The following TNKS variants were observed in gnomAD, a reference collection of about 807,000 sequenced individuals.
TNKS encodes the protein poly [ADP-ribose] polymerase tankyrase-1.
In TNKS, 72 loss-of-function variants were observed where a neutral mutation model predicts 135.8. The ratio of observed to expected loss-of-function variants is 0.53; its 90% CI spans 0.44 to 0.64. The LOEUF (loss-of-function observed/expected upper bound fraction) is 0.64. Among genes scored for constraint, TNKS ranks in the 30% least tolerant of loss-of-function variants. The pLI is 0.00. For synonymous variants in TNKS, 849 were observed against 649.3 expected (o/e 1.31, Z -4.68); for missense variants, 1,769 against 1,674.0 (o/e 1.06, Z -0.99).
intron 13 of TNKS, among the ~76,000 whole-genome samples, chr8:9,727,824 T>TA (rs760984428): frequency 1.2e-4 from 18 of 152,222 alleles, no homozygotes; most frequent in Admixed American, 9.8e-4. Context: ...ACATCCAACT[T>TA]ACGATAGCAT....
At chr8:9,561,881 A>G (rs1797343458) in intron 1 of TNKS, among the ~76,000 whole-genome samples, 2 of 152,066 alleles carry the variant, frequency 1.3e-5, no homozygotes, top group African/African-American at 4.8e-5. Context: ...TAATGGTGCG[A>G]TCTTGGCTCA....
chr8:9,765,583 T>C, intron 23 of TNKS, 109 bp from the exon 24 acceptor site: 2 of 845,572 alleles, frequency 2.4e-6, no homozygotes, highest in South Asian at 1.7e-5. Flanking sequence ...TTAAATTATG[T>C]CTTAAGCAAA....
intron 1 of TNKS, among the ~76,000 whole-genome samples, chr8:9,576,517 C>T (rs1797953988): frequency 6.8e-6 from 1 of 146,254 alleles, no homozygotes; most frequent in African/African-American, 2.5e-5. Flanking sequence ...GTTGCCCAGG[C>T]TGGAGTGCAG....
intron 15 of TNKS, 143 bp from the exon 16 acceptor site, chr8:9,734,722 A>G (rs1805603722): frequency 1.2e-5 from 8 of 672,238 alleles, no homozygotes; most frequent in Non-Finnish European, 2.0e-5. Context: ...CTAAGTAGGA[A>G]TTTTGCAAAG....
At chr8:9,641,741 T>C (rs1182351171) in intron 3 of TNKS, among the ~76,000 whole-genome samples, 2 of 145,028 alleles carry the variant, frequency 1.4e-5, no homozygotes, top group Non-Finnish European at 3.0e-5. Context: ...AACCACCTGA[T>C]GGCCAGTTAT....
At chr8:9,690,390 C>G (rs1803209408) in intron 5 of TNKS, among the ~76,000 whole-genome samples, 2 of 152,334 alleles carry the variant, frequency 1.3e-5, no homozygotes, top group Admixed American at 1.3e-4. Context: ...CTTATCTGCT[C>G]TTCTCCCTTC....
At chr8:9,623,104 C>T (rs1001358447) in intron 3 of TNKS, among the ~76,000 whole-genome samples, 2 of 152,174 alleles carry the variant, frequency 1.3e-5, no homozygotes, top group East Asian at 1.9e-4. Flanking sequence ...CACCTATTTT[C>T]AGACTGTGGT....
At chr8:9,608,921 C>T (rs761212060) in intron 2 of TNKS, among the ~76,000 whole-genome samples, 2 of 152,158 alleles carry the variant, frequency 1.3e-5, no homozygotes, top group Admixed American at 6.6e-5. Flanking sequence ...CTATTTTCTC[C>T]AATTTCATAA....
At chr8:9,606,980 G>A (rs1055331777) in intron 2 of TNKS, among the ~76,000 whole-genome samples, 3 of 151,922 alleles carry the variant, frequency 2.0e-5, no homozygotes, top group Admixed American at 6.6e-5. Flanking sequence ...CTCGGTTTTG[G>A]GCTTTATTAG....
chr8:9,565,317 G>A (rs1350195330), intron 1 of TNKS, among the ~76,000 whole-genome samples: 3 of 152,060 alleles, frequency 2.0e-5, no homozygotes, highest in African/African-American at 7.2e-5. Context: ...GGAAAATAAC[G>A]TGATGTAAAA....
At chr8:9,697,864 CAG>C (rs1243213261) in intron 5 of TNKS, among the ~76,000 whole-genome samples, 1 of 152,022 alleles carries the variant, frequency 6.6e-6, no homozygotes, top group Non-Finnish European at 1.5e-5. Context: ...CAACTTAAAA[CAG>C]AGCTACCATT....
At chr8:9,624,888 C>A (rs13268996) in intron 3 of TNKS, among the ~76,000 whole-genome samples, 148,218 of 152,248 alleles carry the variant, frequency 0.97, 72,263 homozygotes, top group East Asian at 1. Flanking sequence ...TAACTAATAC[C>A]AAGTCAGTGC....
chr8:9,748,062 G>A lies in TNKS; in HGVS notation c.2682G>A (p.Thr894=), dbSNP rs377210789. Reference sequence around the variant, plus strand: ...CGGCTTTATTGATAAAATACAACACGTGTGTAAATGCAACAGATAAGTGGG... The same window carrying A: ...CGGCTTTATTGATAAAATACAACACATGTGTAAATGCAACAGATAAGTGGG... ...DIAALLIKYN[T]CVNATDKWAF... is the part of the protein sequence containing the mutation. The change falls in exon 18 of 27, where the codon ACG becomes ACA. Residue 894 remains threonine, a synonymous_variant. Transcript: ENST00000310430. 1.4e-5 allele frequency: 23 copies of A among 1,612,048 alleles called. No homozygotes were observed. The highest frequency in any genetic ancestry group is 2.2e-5 in the South Asian group (2 of 90,602).
chr8:9,566,464 T>A (rs1797544873), intron 1 of TNKS: 1 of 152,152 alleles, frequency 6.6e-6, no homozygotes, highest in African/African-American at 2.4e-5. Context: ...ATTATTTAAT[T>A]CAATGAATTG....
chr8:9,757,420 C>G (rs1378375118), intron 20 of TNKS, among the ~76,000 whole-genome samples: 2 of 152,320 alleles, frequency 1.3e-5, no homozygotes, highest in South Asian at 2.1e-4. Context: ...TAAGGTCCCT[C>G]AAATACTCTG....
chr8:9,592,396 G>A (rs773288801), intron 2 of TNKS, among the ~76,000 whole-genome samples: 4 of 152,034 alleles, frequency 2.6e-5, no homozygotes, highest in Non-Finnish European at 4.4e-5. Flanking sequence ...TCATATTCCC[G>A]GTATTAGGAG....
chr8:9,629,438 T>C (rs1426821291), intron 3 of TNKS, among the ~76,000 whole-genome samples: 1 of 152,202 alleles, frequency 6.6e-6, no homozygotes, highest in Non-Finnish European at 1.5e-5. Flanking sequence ...TAAAAATCTT[T>C]TCACTTGGAA....
chr8:9,735,126 G>A (rs760433720), intron 16 of TNKS, 42 bp downstream of exon 16: 43 of 1,578,984 alleles, frequency 2.7e-5, no homozygotes, highest in Admixed American at 9.0e-5. Context: ...TTCCTTTCTC[G>A]GACACCTAAT....
intron 24 of TNKS, 104 bp from the exon 25 acceptor site, chr8:9,766,135 C>A: frequency 2.1e-6 from 2 of 931,968 alleles, no homozygotes; most frequent in Non-Finnish European, 3.2e-6. Flanking sequence ...CATTTATACA[C>A]CATTCATTTC....
Sources: gnomAD v4.1 joint callset for allele counts (sites outside exome capture counted in the v4.1 genomes callset) on GRCh38, gnomAD v4.1.1 for gene constraint, MANE v1.5 for transcripts, NCBI Gene and HGNC (gene_info 2026-07-23, HGNC 2026-07-21) for gene names.